Variants in TRIM14 observed in about 807,000 individuals in gnomAD.
TRIM14 encodes the protein tripartite motif containing 14.
TRIM14 carries 28 observed loss-of-function variants against 44.5 expected under a neutral mutation model. The observed-to-expected ratio is 0.63, with a 90% confidence interval of 0.47 to 0.86. TRIM14 has a LOEUF of 0.86. TRIM14 is among the 40% of genes least tolerant of loss of function. The probability of loss-of-function intolerance (pLI) is 0.00; values close to 1 mark genes in which losing one functional copy is unlikely to be tolerated. For synonymous variants in TRIM14, 299 were observed against 269.2 expected, an observed-to-expected ratio of 1.11 and a Z score of -1.08; for missense variants, 607 against 611.1, an observed-to-expected ratio of 0.99 and a Z score of 0.07.
chr9:98,055,239 G>A, the TRIM14 span, among the ~76,000 whole-genome samples: 4 of 152,066 alleles, frequency 2.6e-5, no homozygotes, highest in African/African-American at 9.7e-5. Context: ...GGCTGGTCTC[G>A]AACTCCTGAC....
intron 2 of TRIM14, among the ~76,000 whole-genome samples, chr9:98,103,094 A>C (rs1201986258): frequency 1.3e-5 from 2 of 152,110 alleles, no homozygotes; most frequent in East Asian, 3.9e-4. Flanking sequence ...GCTGGGGCAA[A>C]GAATTGCTTG....
At chr9:98,037,107 G>A in the TRIM14 span, among the ~76,000 whole-genome samples, 1 of 152,152 alleles carries the variant, frequency 6.6e-6, no homozygotes, top group African/African-American at 2.4e-5. Flanking sequence ...GCCGGGCACG[G>A]TGGCTCACAC....
At chr9:98,106,443 A>T (rs954685981) in intron 2 of TRIM14, among the ~76,000 whole-genome samples, 1 of 152,254 alleles carries the variant, frequency 6.6e-6, no homozygotes, top group Admixed American at 6.5e-5. Context: ...GGGAGATCCC[A>T]TGCCATGGGA....
chr9:98,076,960 A>G (rs1829620057), intron 6 of TRIM14: 2 of 1,612,100 alleles, frequency 1.2e-6, no homozygotes, highest in Non-Finnish European at 1.7e-6. Context: ...TCCATTTTTC[A>G]AAGTTGGATC....
intron 2 of TRIM14, among the ~76,000 whole-genome samples, chr9:98,102,001 T>C (rs1826413569): frequency 7.0e-6 from 1 of 143,808 alleles, no homozygotes; most frequent in Non-Finnish European, 1.5e-5. Context: ...ATGCAAGACT[T>C]TGACTCAAAA....
rs1340367839 is a variant in TRIM14 at position 98,087,167 on chromosome 9, T to C, written c.*303A>G. ...GCTGCGGATGATGTATTCAGGATGCTGAGGGCTTACCTGTGGGGGTATCAC... is the reference window on the plus strand; with the variant it reads ...GCTGCGGATGATGTATTCAGGATGCCGAGGGCTTACCTGTGGGGGTATCAC... On this transcript the variant is annotated 3_prime_UTR_variant, in exon 6 of 6. Transcript: ENST00000341469. The C allele has an allele frequency of 1.5e-6, 1 of 668,442 alleles. No homozygotes were observed. The highest frequency in any genetic ancestry group is 2.9e-6 in the Non-Finnish European group (1 of 350,720). 41.4% of individuals were successfully genotyped at this position (668,442 alleles called of 1,614,324 possible).
the TRIM14 span, among the ~76,000 whole-genome samples, chr9:98,038,033 CTTATTT>C: frequency 2.0e-5 from 3 of 151,880 alleles, no homozygotes; most frequent in African/African-American, 2.4e-5. Flanking sequence ...GCACCCGGCT[CTTATTT>C]TTATTTTTAT....
intron 3 of TRIM14, among the ~76,000 whole-genome samples, chr9:98,097,313 TC>T (rs983830671): frequency 6.6e-6 from 1 of 151,856 alleles, no homozygotes; most frequent in African/African-American, 2.4e-5. Context: ...TGTCTCTCAA[TC>T]CCCCCACCCT....
At chr9:98,073,903 C>G (rs1015248627) in intron 6 of TRIM14, among the ~76,000 whole-genome samples, 2 of 152,148 alleles carry the variant, frequency 1.3e-5, no homozygotes, top group Non-Finnish European at 2.9e-5. Flanking sequence ...CCTCCCACTT[C>G]AGCCTCCTGA....
intron 3 of TRIM14, among the ~76,000 whole-genome samples, chr9:98,096,882 A>C (rs1366523751): frequency 6.6e-6 from 1 of 152,070 alleles, no homozygotes; most frequent in Non-Finnish European, 1.5e-5. Flanking sequence ...TGACCATGTG[A>C]ATGCTTTCAT....
the TRIM14 span, among the ~76,000 whole-genome samples, chr9:98,045,625 G>T: frequency 6.6e-6 from 1 of 152,158 alleles, no homozygotes; most frequent in Non-Finnish European, 1.5e-5. Context: ...AGCCTAGCCT[G>T]GCTCAAAAGG....
Position 98,119,026 on chromosome 9 carries a change from C to T in TRIM14, c.163G>A (p.Gly55Ser). The change falls in exon 1 of 6, where the codon GGC becomes AGC. Residue 55 changes from glycine to serine, a missense_variant. By Grantham distance (56) the Gly-to-Ser change is moderately conservative. Coordinates refer to ENST00000341469, the MANE Select transcript of TRIM14 (RefSeq NM_014788.4). ...ALCPVLGAHR[G>S]HPVGLALEAA... ...TCCAGCGCCAGGCCCACAGGGTGGC[C>T]ACGGTGCGCGCCCAGCACCGGGCAA... is the stretch of plus-strand genomic sequence containing the variant. The T allele has an allele frequency of 1.3e-6, 2 of 1,571,472 alleles. No homozygotes were observed. Among genetic ancestry groups the T allele is most frequent in the Non-Finnish European group, 8.6e-7 (1 of 1,168,066 alleles).
chr9:98,052,353 A>C, the TRIM14 span, among the ~76,000 whole-genome samples: 1 of 152,014 alleles, frequency 6.6e-6, no homozygotes, highest in Non-Finnish European at 1.5e-5. Context: ...AGAAAAAAAA[A>C]AACTTTAATT....
intron 2 of TRIM14, among the ~76,000 whole-genome samples, chr9:98,108,761 A>C (rs1478925849): frequency 1.3e-5 from 2 of 151,948 alleles, no homozygotes; most frequent in Middle Eastern, 3.4e-3. Flanking sequence ...CAGAGAATGG[A>C]CTTTAGGCAA....
Position 98,087,391 on chromosome 9 carries a change from C to T in TRIM14, c.*79G>A. On this transcript the variant is annotated 3_prime_UTR_variant, in exon 6 of 6. Transcript: ENST00000341469. ...CCTAAGAAGCAGGCAGTAAGGGGAC[C>T]AGCCACGCTGATCTAGGTAGATTAG... is the stretch of plus-strand genomic sequence containing the variant. The T allele has an allele frequency of 6.2e-7, 1 of 1,603,608 alleles. No individual in the cohort carries two copies. The highest frequency in any genetic ancestry group is 8.5e-7 in the Non-Finnish European group (1 of 1,171,126).
chr9:98,045,386 G>A, the TRIM14 span, among the ~76,000 whole-genome samples: 102 of 152,144 alleles, frequency 6.7e-4, no homozygotes, highest in Non-Finnish European at 1.0e-3. Flanking sequence ...TCTGTACATC[G>A]TGAACTATAA....
downstream of TRIM14, chr9:98,080,782 T>C: frequency 6.5e-7 from 1 of 1,543,378 alleles, no homozygotes; most frequent in Non-Finnish European, 8.8e-7. Flanking sequence ...AGCAGCATGA[T>C]ATTTAATGTT....
chr9:98,112,868 C>A (rs1293858789), intron 1 of TRIM14, among the ~76,000 whole-genome samples: 2 of 148,630 alleles, frequency 1.3e-5, no homozygotes, highest in Admixed American at 6.8e-5. Flanking sequence ...AATCCCACCA[C>A]TTTAGGAGGC....
the TRIM14 span, chr9:98,060,697 G>C: frequency 2.6e-6 from 3 of 1,171,370 alleles, no homozygotes; most frequent in South Asian, 3.8e-5. Flanking sequence ...TAAAGATGGT[G>C]ATGTCATAGT....
Sources: allele counts gnomAD v4.1 joint callset (sites outside exome capture counted in the v4.1 genomes callset), GRCh38; gene constraint gnomAD v4.1.1; transcripts MANE v1.5; gene names NCBI Gene and HGNC (gene_info 2026-07-23, HGNC 2026-07-21).